PRUNE2: variants seen among roughly 807,000 people sequenced by gnomAD.
The protein encoded by PRUNE2 is prune homolog 2 with BCH domain.
In PRUNE2, 164 loss-of-function variants were observed where a neutral mutation model predicts 252.0. The observed-to-expected ratio is 0.65, with a 90% confidence interval of 0.57 to 0.74. The LOEUF is 0.74. Among genes scored for constraint, PRUNE2 ranks in the 30% least tolerant of loss-of-function variants. The probability of loss-of-function intolerance (pLI) is 0.00; values close to 1 mark genes in which losing one functional copy is unlikely to be tolerated. For synonymous variants in PRUNE2, 1,292 were observed against 1,350.2 expected (o/e 0.96, Z 0.94); for missense variants, 3,495 against 3,711.0 (o/e 0.94, Z 1.51).
intron 1 of PRUNE2, chr9:76,862,645 C>T (rs1248782692): frequency 6.6e-6 from 1 of 152,138 alleles, no homozygotes; most frequent in Non-Finnish European, 1.5e-5. Flanking sequence ...CCTACACTCA[C>T]GTCACCTAAG....
Position 76,708,295 on chromosome 9 carries a change from C to T in PRUNE2, c.3979G>A (p.Glu1327Lys), listed in dbSNP as rs1473279637. Reference sequence around the variant, plus strand: ...TCAGTGGCTCCCTGGGCTTCCTTCTCACTTTCACTTTGTCCATCGCCATGA... The same window carrying T: ...TCAGTGGCTCCCTGGGCTTCCTTCTTACTTTCACTTTGTCCATCGCCATGA... ...KGHGDGQSESEKEAQGATDRG... is the reference protein window; with the variant it reads ...KGHGDGQSESKKEAQGATDRG... Residue 1327 changes from glutamate (E) to lysine (K), a missense_variant, in exon 8 of 19, where the codon GAG becomes AAG. Physicochemically the swap from Glu to Lys is moderately conservative, Grantham distance 56. Transcript: ENST00000376718. 6.2e-7 allele frequency: 1 copy of T among 1,613,652 alleles called. No individual in the cohort carries two copies. The highest frequency in any genetic ancestry group is 1.3e-5 in the African/African-American group (1 of 74,916).
At chr9:76,693,294 G>T (rs1439396457) in intron 9 of PRUNE2, among the ~76,000 whole-genome samples, 1 of 150,942 alleles carries the variant, frequency 6.6e-6, no homozygotes, top group African/African-American at 2.4e-5. Flanking sequence ...TGATGGGGGG[G>T]GCAGGTGAGG....
intron 1 of PRUNE2, among the ~76,000 whole-genome samples, chr9:76,886,501 C>T (rs1331117876): frequency 6.6e-6 from 1 of 152,198 alleles, no homozygotes; most frequent in Non-Finnish European, 1.5e-5. Flanking sequence ...CCATTTCTAC[C>T]AGGACTTGTC....
At chr9:76,642,033 A>G in intron 12 of PRUNE2, 1 of 1,210,272 alleles carries the variant, frequency 8.3e-7, no homozygotes, top group Non-Finnish European at 1.1e-6. Context: ...GAAAAAGAAA[A>G]GAAACTCCTT....
At position 76,708,014 on chromosome 9, in the gene PRUNE2, G is replaced by A. The variant is rs768828405; in HGVS notation, c.4260C>T (p.Ser1420=). 1.7e-5 allele frequency: 28 copies of A among 1,613,704 alleles called. No individual in the cohort carries two copies. Among genetic ancestry groups the A allele is most frequent in the South Asian group, 5.5e-5 (5 of 91,072 alleles). The part of the protein sequence containing the change: ...LDSRDVQTGM[S]ADNLQPKDTH... Reference sequence around the variant, plus strand: ...TATCTTTTGGCTGCAGGTTATCTGCGGACATCCCTGTTTGCACATCACGGG... The same window carrying A: ...TATCTTTTGGCTGCAGGTTATCTGCAGACATCCCTGTTTGCACATCACGGG... Residue 1420 remains serine, a synonymous_variant, in exon 8 of 19, where the codon TCC becomes TCT. Transcript: ENST00000376718.
rs1163525396 is a variant in PRUNE2 at position 76,704,934 on chromosome 9, T to G, written c.7340A>C (p.Lys2447Thr). 6.2e-7 allele frequency: 1 copy of G among 1,612,638 alleles called. No homozygotes were observed. Among genetic ancestry groups the G allele is most frequent in the South Asian group, 1.1e-5 (1 of 90,764 alleles). ...CAGCTGGGATCCAGGCAGTCTGTTT[T>G]TGGTCTCAGCCTGGTTTCCCTCACT... Reference protein sequence around the residue: ...RRSEGNQAETKNRLPGSQLAV... With the variant: ...RRSEGNQAETTNRLPGSQLAV... Residue 2447 changes from lysine (K) to threonine (T), a missense_variant, in exon 8 of 19, where the codon AAA (lysine) becomes ACA (threonine). By Grantham distance (78) the Lys-to-Thr change is moderately conservative. Coordinates refer to ENST00000376718, the MANE Select transcript of PRUNE2 (RefSeq NM_015225.3).
chr9:76,837,441 AAATAAT>A (rs57793891), intron 4 of PRUNE2, among the ~76,000 whole-genome samples: 107 of 134,830 alleles, frequency 7.9e-4, no homozygotes, highest in East Asian at 1.5e-3. Context: ...ACTCTGTCTC[AAATAAT>A]AATAATAATA....
chr9:76,644,539 T>C (rs754913734), intron 12 of PRUNE2, 200 bp downstream of exon 12: 6 of 685,114 alleles, frequency 8.8e-6, no homozygotes, highest in Non-Finnish European at 1.3e-5. Context: ...TATTGGAAAG[T>C]TGTCTTTGCC....
At chr9:76,779,069 A>G (rs1028791062) in intron 6 of PRUNE2, 24 of 152,240 alleles carry the variant, frequency 1.6e-4, no homozygotes, top group Non-Finnish European at 7.3e-5. Context: ...TGAAGATACT[A>G]TGTTATGTGA....
intron 1 of PRUNE2, among the ~76,000 whole-genome samples, chr9:76,902,127 C>T (rs1156419959): frequency 1.3e-5 from 2 of 152,190 alleles, no homozygotes; most frequent in African/African-American, 2.4e-5. Flanking sequence ...GAACTCTCTA[C>T]CCATCCCCAG....
intron 11 of PRUNE2, among the ~76,000 whole-genome samples, chr9:76,649,323 ATGTTCTATACAGAT>A (rs1846210106): frequency 6.8e-6 from 1 of 147,846 alleles, no homozygotes; most frequent in Non-Finnish European, 1.5e-5. Flanking sequence ...TATATTCTGC[ATGTTCTATACAGAT>A]TGTTCTATAA....
intron 9 of PRUNE2, chr9:76,692,022 A>G (rs977872558): frequency 2.0e-5 from 14 of 716,406 alleles, no homozygotes; most frequent in African/African-American, 3.5e-5. Context: ...TCTCCATCTC[A>G]TTCTGTCCTT....
chr9:76,798,191 CA>C (rs2056269920), intron 6 of PRUNE2, among the ~76,000 whole-genome samples: 1 of 152,096 alleles, frequency 6.6e-6, no homozygotes, highest in Non-Finnish European at 1.5e-5. Flanking sequence ...GTATCTAGTT[CA>C]GAAGTATTAA....
At chr9:76,742,478 TGTG>T (rs2049723026) in intron 6 of PRUNE2, among the ~76,000 whole-genome samples, 1 of 151,532 alleles carries the variant, frequency 6.6e-6, no homozygotes, top group African/African-American at 2.4e-5. Context: ...ATTAGCTAGG[TGTG>T]GTGGCATGTG....
At chr9:76,868,596 G>A (rs577266876) in intron 1 of PRUNE2, among the ~76,000 whole-genome samples, 6 of 152,146 alleles carry the variant, frequency 3.9e-5, no homozygotes, top group Non-Finnish European at 7.4e-5. Flanking sequence ...TCACAGCAGT[G>A]TCTCTAAGAC....
chr9:76,845,870 G>A (rs960497310), intron 4 of PRUNE2, among the ~76,000 whole-genome samples: 2 of 152,168 alleles, frequency 1.3e-5, no homozygotes, highest in Admixed American at 6.5e-5. Flanking sequence ...TTCCAAAGTC[G>A]ACTGACAATT....
intron 4 of PRUNE2, among the ~76,000 whole-genome samples, chr9:76,844,970 C>T (rs1022230738): frequency 2.2e-5 from 3 of 134,156 alleles, no homozygotes; most frequent in African/African-American, 5.8e-5. Context: ...TCAAGACTAG[C>T]CTGGGCAATA....
chr9:76,773,704 A>G (rs1468725611), intron 6 of PRUNE2, among the ~76,000 whole-genome samples: 1 of 152,130 alleles, frequency 6.6e-6, no homozygotes. Flanking sequence ...TCGGCCTCCC[A>G]AAGTGCTGGG....
intron 4 of PRUNE2, among the ~76,000 whole-genome samples, chr9:76,843,420 A>G (rs2059502515): frequency 6.6e-6 from 1 of 152,150 alleles, no homozygotes; most frequent in Admixed American, 6.5e-5. Context: ...GTGTATACCT[A>G]TGTAACAAAC....
Sources: allele counts gnomAD v4.1 joint callset (sites outside exome capture counted in the v4.1 genomes callset), GRCh38; gene constraint gnomAD v4.1.1; transcripts MANE v1.5; gene names NCBI Gene and HGNC (gene_info 2026-07-23, HGNC 2026-07-21).